The following ABHD12B variants were observed in gnomAD, a reference collection of about 807,000 sequenced individuals.
ABHD12B encodes abhydrolase domain containing 12B.
A neutral mutation model predicts 50.4 loss-of-function variants in ABHD12B; 42 were observed. The ratio of observed to expected loss-of-function variants is 0.83; its 90% CI spans 0.65 to 1.08. The LOEUF (loss-of-function observed/expected upper bound fraction) is 1.08. ABHD12B is among the 50% of genes least tolerant of loss of function. ABHD12B has a pLI of 0.00. For missense variants in ABHD12B, 479 were observed against 447.7 expected (o/e 1.07, Z -0.63); for synonymous variants, 167 against 160.3 (o/e 1.04, Z -0.32).
intron 3 of ABHD12B, 106 bp from the exon 4 acceptor site, chr14:50,880,346 T>C: frequency 8.4e-7 from 1 of 1,195,990 alleles, no homozygotes; most frequent in South Asian, 3.0e-5. Context: ...ATTAGTCGGA[T>C]AAAAAATTAA....
At chr14:50,895,408 G>A (rs1390771129) in intron 9 of ABHD12B, among the ~76,000 whole-genome samples, 1 of 152,098 alleles carries the variant, frequency 6.6e-6, no homozygotes, top group Non-Finnish European at 1.5e-5. Context: ...CAGCAGCCAG[G>A]CGTTCCTCCA....
At chr14:50,901,804 AT>A (rs758928531) in intron 9 of ABHD12B, 24 bp from the exon 10 acceptor site, 82 of 1,481,736 alleles carry the variant, frequency 5.5e-5, no homozygotes, top group East Asian at 2.2e-4. Flanking sequence ...GCAAATATTA[AT>A]TTTTTTTTCT....
At position 50,872,098 on chromosome 14, in the gene ABHD12B, G is replaced by A; in HGVS notation, c.-77G>A. ...GGAGGAGGGCGGGCGCGGTGCCGCC[G>A]GGGCGGGAAGGTCGCGGGCGGCTGC... is the stretch of plus-strand genomic sequence containing the variant. On this transcript the variant is annotated 5_prime_UTR_variant, in exon 1 of 13. Coordinates refer to ENST00000337334, the MANE Select transcript of ABHD12B (RefSeq NM_001206673.2). 2 of 1,103,096 alleles carry A rather than the reference G, an allele frequency of 1.8e-6. No individual in the cohort carries two copies. The highest frequency in any genetic ancestry group is 2.3e-6 in the Non-Finnish European group (2 of 880,566). 68.3% of individuals were successfully genotyped at this position (1,103,096 alleles called of 1,614,324 possible).
chr14:50,901,302 G>A (rs2050257755), intron 9 of ABHD12B, among the ~76,000 whole-genome samples: 1 of 152,178 alleles, frequency 6.6e-6, no homozygotes. Context: ...TATGTCTAGA[G>A]TGAGCATTGT....
chr14:50,876,858 A>T (rs1405461680), intron 1 of ABHD12B, among the ~76,000 whole-genome samples: 1 of 152,212 alleles, frequency 6.6e-6, no homozygotes, highest in Non-Finnish European at 1.5e-5. Flanking sequence ...GATTATATTA[A>T]ACAGTTTTAA....
At chr14:50,894,876 T>C (rs1292543585) in intron 9 of ABHD12B, among the ~76,000 whole-genome samples, 6 of 148,076 alleles carry the variant, frequency 4.1e-5, no homozygotes, top group East Asian at 1.9e-4. Context: ...GAGCTAGGCC[T>C]CAATTCTTCC....
rs772094869 is a variant in ABHD12B, at chr14:50,904,079, T to C, written c.948T>C (p.Tyr316=). 9.9e-6 allele frequency: 16 copies of C among 1,612,186 alleles called. No individual in the cohort carries two copies. The highest frequency in any genetic ancestry group is 6.7e-5 in the African/African-American group (5 of 74,798). ...TCTCTTTCTGTCGCTTGCAGCTCTATGAAATTGCACGCAATGCATACAGGA... is the reference window on the plus strand; with the variant it reads ...TCTCTTTCTGTCGCTTGCAGCTCTACGAAATTGCACGCAATGCATACAGGA... ...TVPLEYGKKL[Y]EIARNAYRNK... is the part of the protein sequence containing the mutation. The change falls in exon 12 of 13, where the codon TAT becomes TAC. Residue 316 remains tyrosine (Y), a synonymous_variant. Coordinates refer to ENST00000337334, the MANE Select transcript of ABHD12B (RefSeq NM_001206673.2).
At chr14:50,880,960 A>C (rs957983025) in intron 4 of ABHD12B, among the ~76,000 whole-genome samples, 32 of 152,226 alleles carry the variant, frequency 2.1e-4, no homozygotes, top group Non-Finnish European at 4.7e-4. Context: ...AGAACACTAC[A>C]GTGGAGAGTC....
At chr14:50,902,548 T>C (rs184661614) in intron 10 of ABHD12B, among the ~76,000 whole-genome samples, 2 of 152,272 alleles carry the variant, frequency 1.3e-5, no homozygotes, top group South Asian at 2.1e-4. Flanking sequence ...TAGGCCCTTT[T>C]CCCCATATAA....
At chr14:50,881,535 A>C (rs2049946754) in intron 4 of ABHD12B, 61 bp from the exon 5 acceptor site, 2 of 1,548,174 alleles carry the variant, frequency 1.3e-6, no homozygotes, top group Non-Finnish European at 1.7e-6. Context: ...ATTTTTATTG[A>C]ATTTGTTATC....
chr14:50,882,373 C>CTTGTTTTTTTTTTTTT (rs2049965271), intron 5 of ABHD12B, among the ~76,000 whole-genome samples: 1 of 81,844 alleles, frequency 1.2e-5, no homozygotes, highest in African/African-American at 5.2e-5. Context: ...AGAATGTCTG[C>CTTGTTTTTTTTTTTTT]TTTTTTTTTT....
rs149870138 is a variant in ABHD12B at position 50,904,089 on chromosome 14, C to G, written c.958C>G (p.Arg320Gly). 6.2e-7 allele frequency: 1 copy of G among 1,613,082 alleles called. No individual in the cohort carries two copies. Among genetic ancestry groups the G allele is most frequent in the Non-Finnish European group, 8.5e-7 (1 of 1,179,528 alleles). ...EYGKKLYEIA[R>G]NAYRNKERVK... is the part of the protein sequence containing the mutation. The stretch of plus-strand genomic sequence containing the variant: ...TCGCTTGCAGCTCTATGAAATTGCA[C>G]GCAATGCATACAGGAACAAAGAGAG... The change falls in exon 12 of 13, where the codon CGC (arginine) becomes GGC (glycine). Residue 320 changes from arginine (R) to glycine (G), a missense_variant. Physicochemically the swap from Arg to Gly is moderately radical, Grantham distance 125. Transcript: ENST00000337334.
rs577044608 is a variant in ABHD12B at position 50,873,775 on chromosome 14, G to A, written c.104+1497G>A. ...TGGCTGATTATTTAACATTTATTTGGCAGTAAAGGGCATTTATTAGGCAGA... is the reference window on the plus strand; with the variant it reads ...TGGCTGATTATTTAACATTTATTTGACAGTAAAGGGCATTTATTAGGCAGA... On this transcript the variant is annotated intron_variant, in intron 1 of 12. Transcript: ENST00000337334. 3.8e-3 allele frequency among the ~76,000 whole-genome samples: 575 copies of A among 152,256 alleles called. 6 individuals are homozygous for A. The highest frequency in any genetic ancestry group is 0.013 in the African/African-American group (552 of 41,542).
chr14:50,897,325 C>T (rs1367709874), intron 9 of ABHD12B, among the ~76,000 whole-genome samples: 1 of 152,196 alleles, frequency 6.6e-6, no homozygotes, highest in Non-Finnish European at 1.5e-5. Flanking sequence ...CCACCTGCCT[C>T]AGCCTCCCAA....
intron 9 of ABHD12B, among the ~76,000 whole-genome samples, chr14:50,894,923 G>C (rs1014816172): frequency 2.7e-5 from 4 of 146,878 alleles, no homozygotes; most frequent in Non-Finnish European, 1.5e-5. Context: ...TCTTTTTATC[G>C]CCTCCCCTCC....
chr14:50,888,997 CCTTTT>C, intron 9 of ABHD12B, 94 bp downstream of exon 9: 3 of 987,648 alleles, frequency 3.0e-6, no homozygotes, highest in South Asian at 3.7e-5. Flanking sequence ...TAACAGTCTT[CCTTTT>C]CTTAAGTAGT....
At chr14:50,875,889 A>G (rs879283719) in intron 1 of ABHD12B, among the ~76,000 whole-genome samples, 1 of 152,120 alleles carries the variant, frequency 6.6e-6, no homozygotes, top group Admixed American at 6.5e-5. Context: ...AGACCTTCAA[A>G]ACATAGCTTA....
intron 9 of ABHD12B, among the ~76,000 whole-genome samples, chr14:50,898,775 A>G (rs576366304): frequency 3.9e-5 from 6 of 152,354 alleles, no homozygotes; most frequent in Middle Eastern, 3.4e-3. Context: ...TGCCCTTAGC[A>G]TGGAAGAGGA....
At chr14:50,900,272 T>A (rs1036075878) in intron 9 of ABHD12B, among the ~76,000 whole-genome samples, 34 of 152,126 alleles carry the variant, frequency 2.2e-4, no homozygotes, top group Admixed American at 1.6e-3. Flanking sequence ...ATAAGTAATA[T>A]CTGAAATTCA....
Sources: allele counts gnomAD v4.1 joint callset (sites outside exome capture counted in the v4.1 genomes callset), GRCh38; gene constraint gnomAD v4.1.1; transcripts MANE v1.5; gene names NCBI Gene and HGNC (gene_info 2026-07-23, HGNC 2026-07-21).